CCDC149: variants seen among roughly 807,000 people sequenced by gnomAD.
CCDC149 encodes the protein coiled-coil domain-containing protein 149.
CCDC149 carries 45 observed loss-of-function variants against 59.9 expected under a neutral mutation model. The ratio of observed to expected loss-of-function variants is 0.75; its 90% CI spans 0.59 to 0.96. The LOEUF is 0.96. CCDC149 is among the 40% of genes least tolerant of loss of function. The pLI, the probability that CCDC149 is intolerant of heterozygous loss-of-function variation, is 0.00. For synonymous variants in CCDC149, 245 were observed against 260.6 expected (o/e 0.94, Z 0.58); for missense variants, 584 against 664.7 (o/e 0.88, Z 1.33).
At chr4:24,833,452 C>T (rs1716291872) in intron 8 of CCDC149, among the ~76,000 whole-genome samples, 1 of 152,032 alleles carries the variant, frequency 6.6e-6, no homozygotes, top group African/African-American at 2.4e-5. Context: ...AGTGGAACCC[C>T]GTCTCTACTA....
intron 4 of CCDC149, among the ~76,000 whole-genome samples, chr4:24,848,366 C>A (rs1577406782): frequency 6.6e-6 from 1 of 152,062 alleles, no homozygotes; most frequent in African/African-American, 2.4e-5. Context: ...GTCAAGAGAT[C>A]GAGACCATCC....
At chr4:24,960,066 A>G (rs902701522) in intron 1 of CCDC149, among the ~76,000 whole-genome samples, 1 of 152,222 alleles carries the variant, frequency 6.6e-6, no homozygotes, top group Non-Finnish European at 1.5e-5. Context: ...ATCACAATGA[A>G]TTGTGGAGTT....
At position 24,831,963 on chromosome 4, in the gene CCDC149, A is replaced by G. The variant is rs184683935; in HGVS notation, c.821-313T>C. On this transcript the variant is annotated intron_variant, in intron 8 of 12. Transcript: ENST00000635206. ...TTAAAATTGAGGGAAAAGAAACTCTATGAAATATTGATTTTTTTCCATTTC... is the reference window on the plus strand; with the variant it reads ...TTAAAATTGAGGGAAAAGAAACTCTGTGAAATATTGATTTTTTTCCATTTC... Among the ~76,000 whole-genome samples the G allele has an allele frequency of 3.7e-4, 57 of 152,328 alleles. No individual in the cohort carries two copies. The East Asian group carries it at 0.011, about 29-fold the overall frequency.
At chr4:24,967,808 G>A (rs984788202) in intron 1 of CCDC149, among the ~76,000 whole-genome samples, 21 of 151,976 alleles carry the variant, frequency 1.4e-4, no homozygotes, top group African/African-American at 2.9e-4. Flanking sequence ...TGGTTGGGCT[G>A]TCAATGAATC....
At chr4:24,907,371 T>C (rs2077424775) in intron 1 of CCDC149, among the ~76,000 whole-genome samples, 1 of 152,164 alleles carries the variant, frequency 6.6e-6, no homozygotes, top group Admixed American at 6.5e-5. Context: ...CCAATTTTAC[T>C]TGGGGATCTA....
At chr4:24,976,661 C>T (rs549152517) in intron 1 of CCDC149, among the ~76,000 whole-genome samples, 3 of 152,020 alleles carry the variant, frequency 2.0e-5, no homozygotes, top group South Asian at 2.1e-4. Context: ...TGCAGTGAGC[C>T]GAGATCGTGC....
At chr4:24,835,099 A>T (rs2109137141) in intron 7 of CCDC149, 67 bp from the exon 8 acceptor site, 1 of 1,084,050 alleles carries the variant, frequency 9.2e-7, no homozygotes, top group African/African-American at 1.6e-5. Flanking sequence ...TACCTAGCAG[A>T]TGCCTTCTCT....
chr4:24,850,187 C>T (rs1717567842), intron 4 of CCDC149, among the ~76,000 whole-genome samples: 1 of 151,960 alleles, frequency 6.6e-6, no homozygotes, highest in African/African-American at 2.4e-5. Context: ...TTTTTGTTCC[C>T]TTTATTCATT....
At chr4:24,818,375 G>A (rs904281801) in intron 12 of CCDC149, among the ~76,000 whole-genome samples, 1 of 152,142 alleles carries the variant, frequency 6.6e-6, no homozygotes, top group Non-Finnish European at 1.5e-5. Context: ...GGAACCTTGT[G>A]GGGGAAAAAC....
intron 1 of CCDC149, among the ~76,000 whole-genome samples, chr4:24,904,042 C>T (rs200103423): frequency 1.2e-4 from 18 of 152,158 alleles, no homozygotes; most frequent in African/African-American, 3.1e-4. Context: ...TCAGGTGATC[C>T]GCCCGCCTCA....
chr4:24,822,339 G>A (rs1479095698), intron 10 of CCDC149, among the ~76,000 whole-genome samples, 158 bp downstream of exon 10: 1 of 151,102 alleles, frequency 6.6e-6, no homozygotes, highest in African/African-American at 2.4e-5. Context: ...TCTAAATTTA[G>A]AACACTTGTA....
upstream of CCDC149, among the ~76,000 whole-genome samples, chr4:24,914,076 C>A (rs1246202937): frequency 2.0e-5 from 3 of 152,092 alleles, no homozygotes; most frequent in Admixed American, 2.0e-4. Context: ...TAATTTTTAG[C>A]CCCTGTTGAT....
intron 1 of CCDC149, among the ~76,000 whole-genome samples, chr4:24,893,612 A>ATTTTTTTTTTT (rs1560241640): frequency 1.3e-3 from 12 of 9,382 alleles, no homozygotes; most frequent in Non-Finnish European, 2.1e-3. Context: ...TAAAATACAG[A>ATTTTTTTTTTT]CTTTTTTTTT....
At chr4:24,893,443 C>T in intron 1 of CCDC149, among the ~76,000 whole-genome samples, 1 of 151,932 alleles carries the variant, frequency 6.6e-6, no homozygotes, top group Non-Finnish European at 1.5e-5. Context: ...ATTGGACACC[C>T]AATATTGTAA....
chr4:24,911,965 G>T (rs139567759), intron 1 of CCDC149, among the ~76,000 whole-genome samples: 3 of 152,172 alleles, frequency 2.0e-5, no homozygotes, highest in Non-Finnish European at 4.4e-5. Flanking sequence ...CCCCGGCATG[G>T]GTAAGTAACA....
At chr4:24,964,465 A>G (rs974130264) in intron 1 of CCDC149, among the ~76,000 whole-genome samples, 2 of 152,220 alleles carry the variant, frequency 1.3e-5, no homozygotes, top group Non-Finnish European at 2.9e-5. Context: ...ATTTGAAACT[A>G]AATAACATAC....
chr4:24,894,880 C>G lies in CCDC149; in HGVS notation c.63+17937G>C. 2.8e-6 allele frequency: 4 copies of G among 1,403,514 alleles called. 1 individual carries two copies. In the South Asian group the frequency reaches 3.9e-5, roughly 14 times the overall value. The allele number at this position is 1,403,514 out of a possible 1,614,324, so 86.9% of individuals were successfully genotyped here. A position where few individuals can be genotyped will look rare whatever the true frequency, so the allele number is the denominator to read the frequency against. Reference sequence around the variant, plus strand: ...ACACCCCTGCAGCCTGTGCTAGAACCAAACAGAACCCCTCATGCCAGCCAT... The same window carrying G: ...ACACCCCTGCAGCCTGTGCTAGAACGAAACAGAACCCCTCATGCCAGCCAT... On this transcript the variant is annotated intron_variant, in intron 1 of 12. Coordinates refer to ENST00000635206, the MANE Select transcript of CCDC149 (RefSeq NM_001330643.2).
At chr4:24,854,961 C>T (rs745582233) in intron 3 of CCDC149, among the ~76,000 whole-genome samples, 1 of 152,208 alleles carries the variant, frequency 6.6e-6, no homozygotes, top group Non-Finnish European at 1.5e-5. Flanking sequence ...AATACTGAAA[C>T]CTTCCCCGGT....
In CCDC149 at chr4:24,972,750, TAAA is replaced by T. The variant is rs113416227; in HGVS notation, c.-65+7316_-65+7318del. Among the ~76,000 whole-genome samples the T allele has an allele frequency of 6.1e-4, 93 of 152,334 alleles. 1 individual carries two copies. The highest frequency in any genetic ancestry group is 4.1e-3 in the South Asian group (20 of 4,826). On this transcript the variant is annotated intron_variant, in intron 1 of 12. Transcript: ENST00000389609. ...CCCTGGCATAACATCACATGACAGATAAAGAAGGAAATCAAAACATTTTACCCC... is the reference window on the plus strand; with the variant it reads ...CCCTGGCATAACATCACATGACAGATGAAGGAAATCAAAACATTTTACCCC...
Sources: gnomAD v4.1 joint callset for allele counts (sites outside exome capture counted in the v4.1 genomes callset) on GRCh38, gnomAD v4.1.1 for gene constraint, MANE v1.5 for transcripts, NCBI Gene and HGNC (gene_info 2026-07-23, HGNC 2026-07-21) for gene names.